SNX18: variants seen among roughly 807,000 people sequenced by gnomAD.
The protein encoded by SNX18 is sorting nexin-18.
SNX18 carries 35 observed loss-of-function variants against 48.7 expected under a neutral mutation model. The ratio of observed to expected loss-of-function variants is 0.72; its 90% CI spans 0.55 to 0.95. SNX18 has a LOEUF of 0.95. Among genes scored for constraint, SNX18 ranks in the 40% least tolerant of loss-of-function variants. SNX18 has a pLI of 0.00. For synonymous variants in SNX18, 492 were observed against 384.7 expected (o/e 1.28, Z -3.26); for missense variants, 824 against 871.0 (o/e 0.95, Z 0.68).
the SNX18 span, among the ~76,000 whole-genome samples, chr5:54,627,088 T>A: frequency 3.9e-5 from 6 of 152,238 alleles, no homozygotes; most frequent in Non-Finnish European, 7.3e-5. Flanking sequence ...CATTTCAGGA[T>A]GATCTGGTGT....
chr5:54,537,495 T>A (rs1009401587), intron 1 of SNX18, among the ~76,000 whole-genome samples: 4 of 152,216 alleles, frequency 2.6e-5, no homozygotes, highest in African/African-American at 9.7e-5. Flanking sequence ...ATTATACCTG[T>A]TTATTATTTT....
At chr5:54,558,670 G>A in the SNX18 span, among the ~76,000 whole-genome samples, 23 of 152,102 alleles carry the variant, frequency 1.5e-4, no homozygotes, top group African/African-American at 5.3e-4. Flanking sequence ...TTACTTGTGT[G>A]TATGGAATTT....
At chr5:54,604,359 C>T in the SNX18 span, among the ~76,000 whole-genome samples, 4 of 152,176 alleles carry the variant, frequency 2.6e-5, no homozygotes, top group African/African-American at 9.7e-5. Context: ...AAGGTGGGAA[C>T]AACCCAAAGG....
intron 1 of SNX18, among the ~76,000 whole-genome samples, chr5:54,539,958 G>A (rs907276702): frequency 2.6e-5 from 4 of 151,792 alleles, no homozygotes; most frequent in African/African-American, 9.7e-5. Flanking sequence ...TGCAACCTCC[G>A]CCTCCCGGGT....
the SNX18 span, among the ~76,000 whole-genome samples, chr5:54,574,568 G>GA: frequency 7.9e-5 from 12 of 152,102 alleles, no homozygotes. Flanking sequence ...TATTACTATG[G>GA]AAAAAAGGAG....
At chr5:54,578,380 G>A in the SNX18 span, among the ~76,000 whole-genome samples, 3 of 152,210 alleles carry the variant, frequency 2.0e-5, no homozygotes, top group Non-Finnish European at 2.9e-5. Context: ...TGCTGGAGAT[G>A]CCAACTGTTT....
At chr5:54,631,699 G>C in the SNX18 span, among the ~76,000 whole-genome samples, 1 of 152,208 alleles carries the variant, frequency 6.6e-6, no homozygotes, top group East Asian at 1.9e-4. Context: ...ATCAGTACTA[G>C]CTGAAGGATC....
the SNX18 span, among the ~76,000 whole-genome samples, chr5:54,625,046 T>C: frequency 3.3e-5 from 5 of 152,222 alleles, no homozygotes; most frequent in African/African-American, 9.6e-5. Context: ...TTGAAACTTA[T>C]ATATTCAGTT....
chr5:54,634,924 T>C, the SNX18 span, among the ~76,000 whole-genome samples: 1 of 152,200 alleles, frequency 6.6e-6, no homozygotes, highest in Admixed American at 6.5e-5. Flanking sequence ...CTGAATTTCC[T>C]TTAAAAACTA....
chr5:54,531,183 AG>A (rs1762248570), intron 1 of SNX18, among the ~76,000 whole-genome samples: 1 of 152,102 alleles, frequency 6.6e-6, no homozygotes, highest in South Asian at 2.1e-4. Context: ...AGAGTACTCC[AG>A]GGGAAGAGTT....
downstream of SNX18, among the ~76,000 whole-genome samples, chr5:54,550,308 G>A (rs955590557): frequency 1.3e-5 from 2 of 152,098 alleles, no homozygotes; most frequent in African/African-American, 4.8e-5. Flanking sequence ...CACAAATGTT[G>A]CTTTTTAGTG....
chr5:54,538,170 C>A (rs981050547), intron 1 of SNX18, among the ~76,000 whole-genome samples: 1 of 152,124 alleles, frequency 6.6e-6, no homozygotes, highest in Non-Finnish European at 1.5e-5. Flanking sequence ...CTGTAAGAAC[C>A]CAATCATTTG....
intron 1 of SNX18, among the ~76,000 whole-genome samples, chr5:54,540,199 T>C (rs1762437537): frequency 7.5e-6 from 1 of 133,858 alleles, no homozygotes. Context: ...TTGTAAAAAC[T>C]TTAGACTTGT....
At chr5:54,523,637 A>G (rs1299535195) in intron 1 of SNX18, among the ~76,000 whole-genome samples, 1 of 152,230 alleles carries the variant, frequency 6.6e-6, no homozygotes, top group Non-Finnish European at 1.5e-5. Context: ...TCTTAAATAT[A>G]CAGACTCTAC....
the SNX18 span, among the ~76,000 whole-genome samples, chr5:54,636,605 C>A: frequency 6.6e-6 from 1 of 152,156 alleles, no homozygotes; most frequent in Non-Finnish European, 1.5e-5. Context: ...CCCAAACCTG[C>A]CTCTTTCCAC....
chr5:54,568,402 T>C, the SNX18 span, among the ~76,000 whole-genome samples: 1 of 152,198 alleles, frequency 6.6e-6, no homozygotes, highest in Non-Finnish European at 1.5e-5. Flanking sequence ...TGCATAGATG[T>C]TCTGCTCCCT....
At chr5:54,627,150 C>T in the SNX18 span, among the ~76,000 whole-genome samples, 836 of 152,234 alleles carry the variant, frequency 5.5e-3, 6 homozygotes, top group African/African-American at 0.019. Context: ...TAGTTCTATA[C>T]CATGCTCACA....
At chr5:54,519,974 A>G in intron 1 of SNX18, 1 of 715,496 alleles carries the variant, frequency 1.4e-6, no homozygotes, top group African/African-American at 1.8e-5. Flanking sequence ...TCAAAAAGTG[A>G]GGAAATAATG....
the SNX18 span, among the ~76,000 whole-genome samples, chr5:54,561,525 A>C: frequency 1.7e-4 from 22 of 132,606 alleles, no homozygotes; most frequent in African/African-American, 6.1e-4. Flanking sequence ...TTTTTTGTAG[A>C]GACAGGGTTT....
Sources: gnomAD v4.1 joint callset for allele counts (sites outside exome capture counted in the v4.1 genomes callset) on GRCh38, gnomAD v4.1.1 for gene constraint, MANE v1.5 for transcripts, NCBI Gene and HGNC (gene_info 2026-07-23, HGNC 2026-07-21) for gene names.